BECN1: variants seen among roughly 807,000 people sequenced by gnomAD.
BECN1 encodes the protein beclin-1.
A neutral mutation model predicts 60.1 loss-of-function variants in BECN1; 15 were observed. The ratio of observed to expected loss-of-function variants is 0.25; its 90% CI spans 0.17 to 0.38. The LOEUF is 0.38. BECN1 is among the 10% of genes least tolerant of loss of function. BECN1 has a pLI of 1.00. For missense variants in BECN1, 424 were observed against 548.2 expected (o/e 0.77, Z 2.26); for synonymous variants, 179 against 201.8 (o/e 0.89, Z 0.96).
At chr17:42,819,117 T>C in intron 4 of BECN1, 1 of 540,510 alleles carries the variant, frequency 1.9e-6, no homozygotes. Context: ...AGAGGGAGCA[T>C]AAAAAATTCA....
At chr17:42,815,666 C>T (rs2055130210) in intron 8 of BECN1, 1 of 548,958 alleles carries the variant, frequency 1.8e-6, no homozygotes, top group Non-Finnish European at 3.2e-6. Context: ...CACCAGACAG[C>T]TTACCAGGTT....
rs1180746899 is a variant in BECN1 at position 42,821,959 on chromosome 17, C to G, written c.131-1118G>C. ...CGGTGGCTCACGCCTGTAGTCCCAG[C>G]ACTTTGGGAGGCTGAGGCGGGCAGA... On this transcript the variant is annotated intron_variant, in intron 2 of 11. Coordinates refer to ENST00000590099, the MANE Select transcript of BECN1 (RefSeq NM_001313998.2). Among the ~76,000 whole-genome samples the G allele has an allele frequency of 2.6e-5, 4 of 152,202 alleles. No individual in the cohort carries two copies. In the East Asian group the frequency reaches 7.7e-4, roughly 29 times the overall value.
At chr17:42,823,723 C>T in intron 2 of BECN1, 25 bp downstream of exon 2, 1 of 1,610,272 alleles carries the variant, frequency 6.2e-7, no homozygotes, top group Non-Finnish European at 8.5e-7. Context: ...TTCTTGACCA[C>T]CCTCTTTCCA....
chr17:42,815,586 T>C, intron 8 of BECN1: 1 of 350,250 alleles, frequency 2.9e-6, no homozygotes, highest in Non-Finnish European at 5.2e-6. Flanking sequence ...GCACAGTGCC[T>C]TTTCCAGAGT....
At position 42,815,988 on chromosome 17, in the gene BECN1, A is replaced by G. The variant is rs1465269142; in HGVS notation, c.750T>C (p.Val250=). The change falls in exon 8 of 12, where the codon GTT becomes GTC. Residue 250 remains valine (V), a synonymous_variant. Coordinates refer to ENST00000590099, the MANE Select transcript of BECN1 (RefSeq NM_001313998.2). ...TCTGGGCATAACGCATCTGGTTTTC[A>G]ACACTCTTCAGCTCATCATCCAGCT... The part of the protein sequence containing the change: ...QLELDDELKS[V]ENQMRYAQTQ... The G allele has an allele frequency of 6.2e-7, 1 of 1,613,876 alleles. No homozygotes were observed. The highest frequency in any genetic ancestry group is 1.1e-5 in the South Asian group (1 of 91,056).
At position 42,819,528 on chromosome 17, in the gene BECN1, G is replaced by C. The variant is rs2055216713; in HGVS notation, c.260+20C>G. The C allele has an allele frequency of 6.2e-7, 1 of 1,612,350 alleles. No individual in the cohort carries two copies. The highest frequency in any genetic ancestry group is 8.5e-7 in the Non-Finnish European group (1 of 1,179,408). ...CTACTAGCCTTTGGCAAGGAATGGGGGCTGAGAAGTAGTAGGCACCTGGCT... is the reference window on the plus strand; with the variant it reads ...CTACTAGCCTTTGGCAAGGAATGGGCGCTGAGAAGTAGTAGGCACCTGGCT... On this transcript the variant is annotated intron_variant, in intron 4 of 11. Coordinates refer to ENST00000590099, the MANE Select transcript of BECN1 (RefSeq NM_001313998.2).
Position 42,811,859 on chromosome 17 carries a change from C to A in BECN1, c.1042-62G>T. 8.3e-6 allele frequency: 13 copies of A among 1,561,496 alleles called. 1 individual carries two copies. The South Asian group carries it at 1.4e-4, about 17-fold the overall frequency. ...CCAAGAAAGGCTTCCAGAGATTGTT[C>A]CCAATCCTATCAATCTCTCAAGTCA... On this transcript the variant is annotated intron_variant, in intron 10 of 11. Coordinates refer to ENST00000590099, the MANE Select transcript of BECN1 (RefSeq NM_001313998.2).
chr17:42,814,467 G>A, intron 9 of BECN1, 57 bp downstream of exon 9: 1 of 1,603,932 alleles, frequency 6.2e-7, no homozygotes. Flanking sequence ...GTACCAGGTT[G>A]GAGATACAAA....
chr17:42,814,356 G>T, intron 9 of BECN1, 168 bp downstream of exon 9: 2 of 844,250 alleles, frequency 2.4e-6, no homozygotes, highest in Non-Finnish European at 1.8e-6. Context: ...GATCAGTGGA[G>T]AGAGCCCTGT....
intron 9 of BECN1, 118 bp from the exon 10 acceptor site, chr17:42,814,126 A>G (rs1448075985): frequency 1.6e-6 from 1 of 643,066 alleles, no homozygotes; most frequent in East Asian, 2.8e-5. Context: ...TATTATGCTC[A>G]ACTCCCTCTC....
In BECN1 at chr17:42,810,619, T is replaced by C; in HGVS notation, c.*141A>G. On this transcript the variant is annotated 3_prime_UTR_variant, in exon 12 of 12. Transcript: ENST00000590099. ...GTATCTGTCACATGATATTTTAAAA[T>C]AAAGTGGCTTTTGTGGATTTTTTCT... is the stretch of plus-strand genomic sequence containing the variant. 5 of 860,568 alleles carry C rather than the reference T, an allele frequency of 5.8e-6. No homozygotes were observed. The highest frequency in any genetic ancestry group is 6.7e-6 in the Non-Finnish European group (4 of 598,860). 53.3% of individuals were successfully genotyped at this position (860,568 alleles called of 1,614,324 possible). A position where few individuals can be genotyped will look rare whatever the true frequency, so the allele number is the denominator to read the frequency against.
intron 1 of BECN1, 124 bp downstream of exon 1, chr17:42,824,031 G>T: frequency 9.9e-7 from 1 of 1,010,066 alleles, no homozygotes; most frequent in Non-Finnish European, 1.4e-6. Context: ...GGGAGGACCT[G>T]CTTCCGGGAC....
chr17:42,823,779 G>A lies in BECN1; in HGVS notation c.99C>T (p.Ile33=). ...QPLKLDTSFK[I]LDRVTIQELT... The stretch of plus-strand genomic sequence containing the variant: ...GTTCCTGGATGGTGACACGGTCCAG[G>A]ATCTTGAAACTCGTGTCCAGTTTCA... Residue 33 remains isoleucine, a synonymous_variant, in exon 2 of 12, where the codon ATC becomes ATT. Coordinates refer to ENST00000590099, the MANE Select transcript of BECN1 (RefSeq NM_001313998.2). 1 of 1,614,082 alleles carries A rather than the reference G, an allele frequency of 6.2e-7. No homozygotes were observed. Among genetic ancestry groups the A allele is most frequent in the South Asian group, 1.1e-5 (1 of 91,070 alleles).
chr17:42,814,320 A>G (rs2055099613), intron 9 of BECN1: 2 of 662,158 alleles, frequency 3.0e-6, no homozygotes, highest in East Asian at 5.5e-5. Flanking sequence ...GAACTATGCT[A>G]TAGTCACGCA....
intron 10 of BECN1, among the ~76,000 whole-genome samples, chr17:42,813,299 C>T (rs2055072673): frequency 6.6e-6 from 1 of 151,840 alleles, no homozygotes; most frequent in Non-Finnish European, 1.5e-5. Context: ...CTTTGGGAGG[C>T]TGAGGCGGGT....
chr17:42,811,530 A>T, intron 11 of BECN1, 125 bp downstream of exon 11: 1 of 1,268,006 alleles, frequency 7.9e-7, no homozygotes, highest in South Asian at 1.5e-5. Context: ...CATCAATGTC[A>T]TGTGATTCTG....
rs747199925 is a variant in BECN1, at chr17:42,810,950, C to T, written c.1185-22G>A. The T allele has an allele frequency of 7.7e-6, 12 of 1,557,664 alleles. No individual in the cohort carries two copies. The South Asian group carries it at 1.5e-4, about 19-fold the overall frequency. ...CATCCTGCAGATGGACAGAGCAAAA[C>T]TCATTAGTAACTGAGATCTGAGTTA... On this transcript the variant is annotated intron_variant, in intron 11 of 11. Transcript: ENST00000590099.
chr17:42,816,129 G>T, intron 7 of BECN1, 75 bp from the exon 8 acceptor site: 1 of 1,411,612 alleles, frequency 7.1e-7, no homozygotes, highest in South Asian at 1.4e-5. Flanking sequence ...CACTATGAAC[G>T]ATTCTTTAGT....
At chr17:42,823,675 CATA>C in intron 2 of BECN1, 70 bp downstream of exon 2, 1 of 1,559,618 alleles carries the variant, frequency 6.4e-7, no homozygotes, top group Non-Finnish European at 8.7e-7. Context: ...ACACAGCCAC[CATA>C]AGAATTATAT....
Sources: gnomAD v4.1 joint callset for allele counts (sites outside exome capture counted in the v4.1 genomes callset) on GRCh38, gnomAD v4.1.1 for gene constraint, MANE v1.5 for transcripts, NCBI Gene and HGNC (gene_info 2026-07-23, HGNC 2026-07-21) for gene names.